MFN1: variants seen among roughly 807,000 people sequenced by gnomAD.
The protein encoded by MFN1 is mitofusin 1.
A neutral mutation model predicts 92.4 loss-of-function variants in MFN1; 65 were observed. The ratio of observed to expected loss-of-function variants is 0.70; its 90% CI spans 0.58 to 0.86. The LOEUF is 0.86. Among genes scored for constraint, MFN1 ranks in the 40% least tolerant of loss-of-function variants. The pLI is 0.00. For missense variants in MFN1, 781 were observed against 868.0 expected (o/e 0.90, Z 1.26); for synonymous variants, 297 against 300.9 (o/e 0.99, Z 0.13).
rs983542564 is a variant in MFN1 at position 179,394,820 on chromosome 3, A to G, written c.*2761A>G. 1.1e-4 allele frequency: 16 copies of G among 152,222 alleles called. No individual in the cohort carries two copies. 9.4% of individuals were successfully genotyped at this position (152,222 alleles called of 1,614,324 possible). A position where few individuals can be genotyped will look rare whatever the true frequency, so the allele number is the denominator to read the frequency against. Reference sequence around the variant, plus strand: ...GATGTACTTCAAAGTTATTGCACATACACTTGTTTACTTTGTATGTTTGCA... The same window carrying G: ...GATGTACTTCAAAGTTATTGCACATGCACTTGTTTACTTTGTATGTTTGCA... On this transcript the variant is annotated 3_prime_UTR_variant, in exon 18 of 18. Transcript: ENST00000471841.
Position 179,392,000 on chromosome 3 carries a change from G to C in MFN1, c.2167G>C (p.Glu723Gln). 6.2e-7 allele frequency: 1 copy of C among 1,607,292 alleles called. No individual in the cohort carries two copies. Among genetic ancestry groups the C allele is most frequent in the Non-Finnish European group, 8.5e-7 (1 of 1,174,548 alleles). The change falls in exon 18 of 18, where the codon GAA (glutamate) becomes CAA (glutamine). Residue 723 changes from glutamate (E) to glutamine (Q), a missense_variant. Coordinates refer to ENST00000471841, the MANE Select transcript of MFN1 (RefSeq NM_033540.3). ...AATTAGAAATAAAGCTGTTCAACTT[G>C]AAAATGAGCTGGAGAATTTTACTAA... ...KLLRNKAVQLENELENFTKQF... is the reference protein window; with the variant it reads ...KLLRNKAVQLQNELENFTKQF...
At chr3:179,386,376 G>T in intron 15 of MFN1, 57 bp from the exon 16 acceptor site, 1 of 1,389,736 alleles carries the variant, frequency 7.2e-7, no homozygotes, top group Non-Finnish European at 1.0e-6. Context: ...GCTTTTAAAT[G>T]TACTCTCCAA....
chr3:179,386,366 G>C, intron 15 of MFN1, 67 bp from the exon 16 acceptor site: 1 of 1,283,354 alleles, frequency 7.8e-7, no homozygotes, highest in Non-Finnish European at 1.1e-6. Context: ...GAACTAAAAT[G>C]CTTTTAAATG....
In MFN1 at chr3:179,375,423, C is replaced by T. The variant is rs1713202705; in HGVS notation, c.1097+82C>T. The stretch of plus-strand genomic sequence containing the variant: ...TAAGATGAGGTTTTAAATTGTTGTA[C>T]TATAAATACTTTTTACACTGAAATC... On this transcript the variant is annotated intron_variant, in intron 10 of 17. Coordinates refer to ENST00000471841, the MANE Select transcript of MFN1 (RefSeq NM_033540.3). 4 of 1,520,120 alleles carry T rather than the reference C, an allele frequency of 2.6e-6. No individual in the cohort carries two copies. In the South Asian group the frequency reaches 3.5e-5, roughly 13 times the overall value. The allele number at this position is 1,520,120 out of a possible 1,614,324, so 94.2% of individuals were successfully genotyped here. A position where few individuals can be genotyped will look rare whatever the true frequency, so the allele number is the denominator to read the frequency against.
chr3:179,382,486 G>C (rs1453302151), intron 14 of MFN1, among the ~76,000 whole-genome samples: 5 of 152,306 alleles, frequency 3.3e-5, no homozygotes, highest in African/African-American at 9.6e-5. Context: ...GGACATTTGG[G>C]TTGGTTCCAA....
In MFN1 at chr3:179,389,653, A is replaced by T. The variant is rs73045134; in HGVS notation, c.2013-351A>T. Among the ~76,000 whole-genome samples the T allele has an allele frequency of 3.8e-3, 583 of 152,236 alleles. 2 individuals are homozygous for T. Among genetic ancestry groups the T allele is most frequent in the African/African-American group, 0.013 (554 of 41,556 alleles). ...ATTTTGCTATAAAGTATTTTTGCCT[A>T]TGTCACAAAAGTGCATGGAATTTTT... is the stretch of plus-strand genomic sequence containing the variant. On this transcript the variant is annotated intron_variant, in intron 16 of 17. Transcript: ENST00000471841.
intron 10 of MFN1, among the ~76,000 whole-genome samples, chr3:179,376,265 G>A (rs1424912113): frequency 1.3e-5 from 2 of 152,176 alleles, no homozygotes; most frequent in African/African-American, 4.8e-5. Flanking sequence ...TACAGCCTCC[G>A]TGTGGCCTCT....
chr3:179,356,630 C>T (rs12487456), intron 3 of MFN1, among the ~76,000 whole-genome samples: 30,166 of 152,000 alleles, frequency 0.2, 3,386 homozygotes, highest in Admixed American at 0.25. Flanking sequence ...GTTTCTATTT[C>T]CACAGTTGTT....
At chr3:179,361,479 C>G (rs1021645447) in intron 4 of MFN1, among the ~76,000 whole-genome samples, 1 of 152,098 alleles carries the variant, frequency 6.6e-6, no homozygotes, top group African/African-American at 2.4e-5. Context: ...CCTGTAGTAG[C>G]TCCCAGTGTT....
In MFN1 at chr3:179,386,573, A is replaced by T; in HGVS notation, c.1956A>T (p.Glu652Asp). 1 of 1,614,122 alleles carries T rather than the reference A, an allele frequency of 6.2e-7. No homozygotes were observed. Among genetic ancestry groups the T allele is most frequent in the East Asian group, 2.2e-5 (1 of 44,878 alleles). Residue 652 changes from glutamate to aspartate, a missense_variant, in exon 16 of 18, where the codon GAA (glutamate) becomes GAT (aspartate). Glu to Asp is a conservative substitution (Grantham distance 45). Coordinates refer to ENST00000471841, the MANE Select transcript of MFN1 (RefSeq NM_033540.3). ...AGCAGTTTGTAAACTATGCAACTGA[A>T]AAACTGAGGATGATTGTTAGCTCCA... The part of the protein sequence containing the change: ...FKQQFVNYAT[E>D]KLRMIVSSTS...
At chr3:179,389,578 A>G (rs1030115566) in intron 16 of MFN1, among the ~76,000 whole-genome samples, 2 of 152,218 alleles carry the variant, frequency 1.3e-5, no homozygotes, top group African/African-American at 4.8e-5. Flanking sequence ...CAAAGTTAAT[A>G]TATGAATTAG....
rs765314569 is a variant in MFN1, at chr3:179,386,470, C to A, written c.1853C>A (p.Ser618Ter). ...KTIGWKLLSV[S>*]LTMYGALYLY... ...ATAGGCTGGAAACTCCTATCTGTTT[C>A]ATTAACTATGTATGGAGCTTTGTAT... Residue 618 changes from serine to a stop codon, truncating the protein, a stop_gained, in exon 16 of 18, where the codon TCA (serine) becomes TAA (stop). Transcript: ENST00000471841. LOFTEE classifies it high-confidence loss of function. The A allele has an allele frequency of 6.2e-7, 1 of 1,613,386 alleles. No individual in the cohort carries two copies. Among genetic ancestry groups the A allele is most frequent in the Non-Finnish European group, 8.5e-7 (1 of 1,179,740 alleles).
rs1018971834 is a variant in MFN1, at chr3:179,392,897, CTTTTAA to C, written c.*844_*849del. On this transcript the variant is annotated 3_prime_UTR_variant, in exon 18 of 18. Coordinates refer to ENST00000471841, the MANE Select transcript of MFN1 (RefSeq NM_033540.3). ...TTGCTGGATTATACCCCATTGGAGG[CTTTTAA>C]TTTTATTTGTATGAATTTTCCAGGA... The C allele has an allele frequency of 3.3e-5, 5 of 152,122 alleles. No homozygotes were observed. The highest frequency in any genetic ancestry group is 3.3e-4 in the Admixed American group (5 of 15,272). 9.4% of individuals were successfully genotyped at this position (152,122 alleles called of 1,614,324 possible). A position where few individuals can be genotyped will look rare whatever the true frequency, so the allele number is the denominator to read the frequency against.
chr3:179,393,354 A>C lies in MFN1; in HGVS notation c.*1295A>C, dbSNP rs948377850. 1 of 152,178 alleles carries C rather than the reference A, an allele frequency of 6.6e-6. No homozygotes were observed. Among genetic ancestry groups the C allele is most frequent in the Non-Finnish European group, 1.5e-5 (1 of 68,028 alleles). The allele number at this position is 152,178 out of a possible 1,614,324, so 9.4% of individuals were successfully genotyped here. Reference sequence around the variant, plus strand: ...TGTTAGAAATGCACAATCCCGGGGAACGCAGTACATTTGGCCACATGTAGT... The same window carrying C: ...TGTTAGAAATGCACAATCCCGGGGACCGCAGTACATTTGGCCACATGTAGT... On this transcript the variant is annotated 3_prime_UTR_variant, in exon 18 of 18. Transcript: ENST00000471841.
At chr3:179,380,082 C>T (rs1713409046) in intron 14 of MFN1, among the ~76,000 whole-genome samples, 1 of 152,112 alleles carries the variant, frequency 6.6e-6, no homozygotes, top group African/African-American at 2.4e-5. Flanking sequence ...TGTGAGTATT[C>T]AATAGGCTGG....
intron 2 of MFN1, 56 bp downstream of exon 2, chr3:179,349,019 T>C (rs1315042185): frequency 2.8e-6 from 4 of 1,427,468 alleles, no homozygotes; most frequent in Middle Eastern, 1.9e-4. Flanking sequence ...TAAAAGTGCT[T>C]ATTCTTTCAA....
intron 12 of MFN1, chr3:179,378,079 C>T (rs995691402): frequency 1.1e-5 from 4 of 358,104 alleles, no homozygotes; most frequent in Non-Finnish European, 2.0e-5. Context: ...TAAAAAATAG[C>T]CAAGCATGGC....
intron 9 of MFN1, 25 bp downstream of exon 9, chr3:179,368,128 C>T (rs372267305): frequency 6.7e-7 from 1 of 1,496,446 alleles, no homozygotes. Flanking sequence ...ATTGTATTGC[C>T]TAATACAAAA....
chr3:179,383,555 C>T (rs1713555198), intron 14 of MFN1, among the ~76,000 whole-genome samples: 1 of 152,124 alleles, frequency 6.6e-6, no homozygotes, highest in African/African-American at 2.4e-5. Flanking sequence ...GCAATGCGGG[C>T]TCTTTTTTGG....
Sources: gnomAD v4.1 joint callset for allele counts (sites outside exome capture counted in the v4.1 genomes callset) on GRCh38, gnomAD v4.1.1 for gene constraint, MANE v1.5 for transcripts, NCBI Gene and HGNC (gene_info 2026-07-23, HGNC 2026-07-21) for gene names.